The following GRM8 variants were observed in gnomAD, a reference collection of about 807,000 sequenced individuals.
The protein encoded by GRM8 is glutamate metabotropic receptor 8, also known as metabotropic glutamate receptor 8.
Under a neutral mutation model 87.2 loss-of-function variants are expected in GRM8, and 47 were observed. The observed-to-expected ratio is 0.54, with a 90% confidence interval of 0.43 to 0.69. The LOEUF (loss-of-function observed/expected upper bound fraction) is 0.69. Among genes scored for constraint, GRM8 ranks in the 30% least tolerant of loss-of-function variants. The probability of loss-of-function intolerance (pLI) is 0.00; values close to 1 mark genes in which losing one functional copy is unlikely to be tolerated. For synonymous variants in GRM8, 396 were observed against 404.5 expected, an observed-to-expected ratio of 0.98 and a Z score of 0.25; for missense variants, 1,019 against 1,139.2, an observed-to-expected ratio of 0.89 and a Z score of 1.52.
At chr7:126,904,909 CATT>C (rs1802523995) in intron 3 of GRM8, among the ~76,000 whole-genome samples, 2 of 152,058 alleles carry the variant, frequency 1.3e-5, no homozygotes, top group South Asian at 4.1e-4. Context: ...AATATTTAAA[CATT>C]ATTTTTGTGG....
At chr7:126,791,836 T>A (rs1013201630) in intron 6 of GRM8, among the ~76,000 whole-genome samples, 3 of 152,100 alleles carry the variant, frequency 2.0e-5, no homozygotes, top group African/African-American at 7.2e-5. Flanking sequence ...AAACTGGACA[T>A]GTACTTGCAG....
chr7:126,995,019 T>C (rs1018155366), intron 3 of GRM8, among the ~76,000 whole-genome samples: 1 of 152,256 alleles, frequency 6.6e-6, no homozygotes, highest in African/African-American at 2.4e-5. Flanking sequence ...AATCATGCCA[T>C]CCCCAGCTCC....
At chr7:126,464,463 A>G (rs1038829431) in intron 9 of GRM8, among the ~76,000 whole-genome samples, 1 of 151,638 alleles carries the variant, frequency 6.6e-6, no homozygotes, top group Non-Finnish European at 1.5e-5. Context: ...TAGCCTATTT[A>G]CATTCAATGT....
chr7:126,504,258 C>T (rs1283836698), intron 9 of GRM8, among the ~76,000 whole-genome samples: 1 of 152,016 alleles, frequency 6.6e-6, no homozygotes, highest in Admixed American at 6.6e-5. Flanking sequence ...GTGCATATTA[C>T]ATTTTAACAA....
Position 126,808,977 on chromosome 7 carries a change from T to A in GRM8, c.1157-38912A>T, listed in dbSNP as rs376002192. Among the ~76,000 whole-genome samples the A allele has an allele frequency of 7.9e-5, 12 of 152,282 alleles. No individual in the cohort carries two copies. The East Asian group carries it at 2.3e-3, about 29-fold the overall frequency. On this transcript the variant is annotated intron_variant, in intron 6 of 10. Transcript: ENST00000339582. ...ATTTATTATTTTACAGTTCTGTAGG[T>A]CATAAGTGCAAAATGGGTCTAACTG... is the stretch of plus-strand genomic sequence containing the variant.
chr7:126,651,949 C>A (rs920857515), intron 7 of GRM8, among the ~76,000 whole-genome samples: 17 of 152,286 alleles, frequency 1.1e-4, no homozygotes, highest in African/African-American at 4.1e-4. Flanking sequence ...CAGGAAAAAA[C>A]CATGACCTGC....
chr7:126,940,510 C>T (rs902450047), intron 3 of GRM8, among the ~76,000 whole-genome samples: 3 of 152,114 alleles, frequency 2.0e-5, no homozygotes, highest in Non-Finnish European at 4.4e-5. Flanking sequence ...TCACTGAGGC[C>T]TCAGAGGAGT....
intron 6 of GRM8, among the ~76,000 whole-genome samples, chr7:126,825,128 G>T (rs945645710): frequency 3.3e-5 from 5 of 152,102 alleles, no homozygotes; most frequent in Admixed American, 2.6e-4. Context: ...AGTGCAGTGG[G>T]GTGACCTCGG....
chr7:126,549,713 A>G (rs904806641), intron 8 of GRM8, among the ~76,000 whole-genome samples: 2 of 152,210 alleles, frequency 1.3e-5, no homozygotes, highest in Non-Finnish European at 2.9e-5. Context: ...TCTCAGATAT[A>G]CAATCATTCA....
chr7:126,830,507 C>T (rs548243394), intron 6 of GRM8, among the ~76,000 whole-genome samples: 8 of 152,328 alleles, frequency 5.3e-5, no homozygotes, highest in Middle Eastern at 3.4e-3. Context: ...GCTCCTGAGG[C>T]GTCTGCATTC....
chr7:126,775,550 G>A (rs1183147732), intron 6 of GRM8, among the ~76,000 whole-genome samples: 1 of 147,868 alleles, frequency 6.8e-6, no homozygotes, highest in Non-Finnish European at 1.5e-5. Context: ...ACAATAGGGG[G>A]AACATAAGGT....
intron 8 of GRM8, among the ~76,000 whole-genome samples, chr7:126,556,466 G>C (rs1156507092): frequency 1.3e-5 from 2 of 151,666 alleles, no homozygotes; most frequent in Non-Finnish European, 2.9e-5. Context: ...GGCCAACATG[G>C]TGAAACCCCG....
At chr7:126,449,205 T>C (rs1442897581) in intron 9 of GRM8, among the ~76,000 whole-genome samples, 1 of 151,808 alleles carries the variant, frequency 6.6e-6, no homozygotes, top group Non-Finnish European at 1.5e-5. Context: ...AGAGAAACTC[T>C]AGAGTTATTT....
intron 6 of GRM8, among the ~76,000 whole-genome samples, chr7:126,799,671 G>A (rs187405042): frequency 2.5e-4 from 38 of 152,132 alleles, no homozygotes; most frequent in Admixed American, 2.4e-3. Context: ...CCCCAGCTGG[G>A]GCACTCAGCT....
At chr7:127,200,327 A>G (rs1282459992) in intron 2 of GRM8, among the ~76,000 whole-genome samples, 3 of 152,208 alleles carry the variant, frequency 2.0e-5, no homozygotes, top group Non-Finnish European at 4.4e-5. Flanking sequence ...TCTTACATGT[A>G]GATAATGTCA....
Position 126,533,431 on chromosome 7 carries a change from G to A in GRM8, c.1951C>T (p.Arg651Ter), listed in dbSNP as rs1174066145. ...AAPDTIICSF[R>*]RVFLGLGMCF... ...ATGCCAAGTCCTAGGAAGACCCGTC[G>A]GAAGGAGCATATGATTGTATCTGGT... The change falls in exon 9 of 11, where the codon CGA (arginine) becomes TGA (stop). Residue 651 changes from arginine (R) to a stop codon, truncating the protein, a stop_gained. Transcript: ENST00000339582. LOFTEE classifies it high-confidence loss of function. 5 of 1,613,960 alleles carry A rather than the reference G, an allele frequency of 3.1e-6. No individual in the cohort carries two copies. The highest frequency in any genetic ancestry group is 1.1e-5 in the South Asian group (1 of 91,074).
intron 7 of GRM8, among the ~76,000 whole-genome samples, chr7:126,675,429 A>G (rs1203574403): frequency 2.0e-5 from 3 of 152,236 alleles, no homozygotes; most frequent in East Asian, 3.8e-4. Context: ...AGGAAAGGAA[A>G]TAACAGCAAA....
At chr7:126,916,687 A>G (rs147727499) in intron 3 of GRM8, among the ~76,000 whole-genome samples, 1 of 152,370 alleles carries the variant, frequency 6.6e-6, no homozygotes, top group Non-Finnish European at 1.5e-5. Flanking sequence ...TTCAACAGAT[A>G]CAGTGGCTGA....
intron 7 of GRM8, among the ~76,000 whole-genome samples, chr7:126,720,459 T>C (rs1212031686): frequency 6.6e-6 from 1 of 152,062 alleles, no homozygotes; most frequent in East Asian, 1.9e-4. Context: ...AATAAGTGGT[T>C]ATTAGAGCAG....
Sources: allele counts gnomAD v4.1 joint callset (sites outside exome capture counted in the v4.1 genomes callset), GRCh38; gene constraint gnomAD v4.1.1; transcripts MANE v1.5; gene names NCBI Gene and HGNC (gene_info 2026-07-23, HGNC 2026-07-21).